PGBD5: variants seen among roughly 807,000 people sequenced by gnomAD.
PGBD5 encodes piggyBac transposable element derived 5.
Under a neutral mutation model 47.9 loss-of-function variants are expected in PGBD5, and 14 were observed. The ratio of observed to expected loss-of-function variants is 0.29; its 90% confidence interval spans 0.19 to 0.46. The LOEUF (loss-of-function observed/expected upper bound fraction) is 0.46. PGBD5 is among the 20% of genes least tolerant of loss of function. The pLI, the probability that PGBD5 is intolerant of heterozygous loss-of-function variation, is 1.00. For synonymous variants in PGBD5, 316 were observed against 306.3 expected, an observed-to-expected ratio of 1.03 and a Z score of -0.33; for missense variants, 635 against 716.0, an observed-to-expected ratio of 0.89 and a Z score of 1.29.
At position 230,357,055 on chromosome 1, in the gene PGBD5, C is replaced by T. The variant is rs41315609; in HGVS notation, c.598G>A (p.Ala200Thr). 6.2e-3 allele frequency: 10,071 copies of T among 1,614,130 alleles called. 85 individuals are homozygous for T. Among genetic ancestry groups the T allele is most frequent in the South Asian group, 0.021 (1,888 of 91,074 alleles). Residue 200 changes from alanine to threonine, a missense_variant, in exon 2 of 7, where the codon GCC becomes ACC. By Grantham distance (58) the Ala-to-Thr change is moderately conservative. Transcript: ENST00000391860. The surrounding 1 kb of genome is among the most constrained non-coding windows in gnomAD (Gnocchi z 5.7). The part of the protein sequence containing the change: ...SGGFYSNRSL[A>T]LVMSQARFEK... ...AAGCGGGCCTGGCTCATGACGAGGG[C>T]GAGGCTGCGGTTGCTGTAGAAGCCT...
chr1:230,425,599 G>A lies in PGBD5; in HGVS notation c.330C>T (p.Gly110=). ...ATCCACCCGCGGGCAGCCCCTTACC[G>A]CCGGTATCCTCGAAGCGCGGGGGCG... ...DRPPPRFEDT[G]GPTRKMPPSA... The change falls in exon 1 of 7, where the codon GGC becomes GGT. Residue 110 remains glycine, a splice_region_variant and synonymous_variant. Coordinates refer to ENST00000391860, the MANE Select transcript of PGBD5 (RefSeq NM_001258311.2). The surrounding 1 kb of genome is among the most constrained non-coding windows in gnomAD (Gnocchi z 4.7). The A allele has an allele frequency of 1.6e-6, 2 of 1,219,752 alleles. No individual in the cohort carries two copies. The highest frequency in any genetic ancestry group is 4.1e-5 in the South Asian group (1 of 24,190). 75.6% of individuals were successfully genotyped at this position (1,219,752 alleles called of 1,614,324 possible).
intron 1 of PGBD5, among the ~76,000 whole-genome samples, chr1:230,383,773 C>T (rs1656569591): frequency 6.6e-6 from 1 of 152,198 alleles, no homozygotes; most frequent in Non-Finnish European, 1.5e-5. Flanking sequence ...GGGCCTGAGC[C>T]CCATGAGCTT....
At chr1:230,362,366 G>A (rs1042877382) in intron 1 of PGBD5, 23 of 1,365,624 alleles carry the variant, frequency 1.7e-5, no homozygotes, top group Admixed American at 1.9e-5. Flanking sequence ...CACAGCTGTC[G>A]CTGCCTCTGG....
At chr1:230,403,963 A>G (rs1379323946) in intron 1 of PGBD5, among the ~76,000 whole-genome samples, 1 of 151,776 alleles carries the variant, frequency 6.6e-6, no homozygotes, top group African/African-American at 2.4e-5. Flanking sequence ...ACAGAGGAGG[A>G]AAAAAAAAGA....
At chr1:230,420,261 T>TC (rs1657618436) in intron 1 of PGBD5, among the ~76,000 whole-genome samples, 1 of 152,192 alleles carries the variant, frequency 6.6e-6, no homozygotes, top group Admixed American at 6.5e-5. Flanking sequence ...TATTATAGAT[T>TC]CAGTGAAAAC....
At position 230,316,127 on chromosome 1, in the gene PGBD5, T is replaced by C. The variant is rs550016461; in HGVS notation, c.*7298A>G. On this transcript the variant is annotated 3_prime_UTR_variant, in exon 7 of 7. Transcript: ENST00000391860. ...ATGTGTACACATATATCTATGTGTA[T>C]ACATACATATGTATATGTGTACACA... The C allele has an allele frequency of 5.3e-5, 8 of 151,230 alleles. 1 individual carries two copies. Among genetic ancestry groups the C allele is most frequent in the South Asian group, 4.2e-4 (2 of 4,808 alleles). The allele number at this position is 151,230 out of a possible 1,614,324, so 9.4% of individuals were successfully genotyped here. A position where few individuals can be genotyped will look rare whatever the true frequency, so the allele number is the denominator to read the frequency against.
chr1:230,328,873 G>A (rs550375742), intron 5 of PGBD5, among the ~76,000 whole-genome samples: 1 of 152,272 alleles, frequency 6.6e-6, no homozygotes, highest in East Asian at 1.9e-4. Flanking sequence ...GGTGGATTTC[G>A]AAAGAAAAGC....
intron 1 of PGBD5, chr1:230,367,884 T>G: frequency 7.6e-7 from 1 of 1,308,622 alleles, no homozygotes; most frequent in Non-Finnish European, 1.0e-6. Flanking sequence ...GCTACCAGAC[T>G]CCCGCTCTGC....
chr1:230,327,877 T>C (rs992438968), intron 5 of PGBD5, among the ~76,000 whole-genome samples: 1 of 152,214 alleles, frequency 6.6e-6, no homozygotes, highest in African/African-American at 2.4e-5. Context: ...GGCCACAGCA[T>C]GTGGCCCGTG....
At position 230,357,751 on chromosome 1, in the gene PGBD5, G is replaced by A. The variant is rs551015009; in HGVS notation, c.332-430C>T. On this transcript the variant is annotated intron_variant, in intron 1 of 6. Coordinates refer to ENST00000391860, the MANE Select transcript of PGBD5 (RefSeq NM_001258311.2). The surrounding 1 kb of genome is among the most constrained non-coding windows in gnomAD (Gnocchi z 5.7). ...GTTTCACACACTCGGGGCACAAGCC[G>A]AGTCTTAACTAGAGATGTACACACA... 2.0e-5 allele frequency among the ~76,000 whole-genome samples: 3 copies of A among 152,238 alleles called. No individual in the cohort carries two copies. The highest frequency in any genetic ancestry group is 1.9e-4 in the East Asian group (1 of 5,170).
chr1:230,424,990 C>G (rs1657740289), intron 1 of PGBD5, among the ~76,000 whole-genome samples: 1 of 152,172 alleles, frequency 6.6e-6, no homozygotes, highest in East Asian at 1.9e-4. Context: ...CTTAACGCTG[C>G]CCAATCGGTC....
At chr1:230,359,498 G>C (rs2102707848) in intron 1 of PGBD5, among the ~76,000 whole-genome samples, 1 of 152,334 alleles carries the variant, frequency 6.6e-6, no homozygotes, top group East Asian at 1.9e-4. Flanking sequence ...GAGATAATGT[G>C]TATGAGACAG....
In PGBD5 at chr1:230,351,074, T is replaced by C. The variant is rs1320684076; in HGVS notation, c.778A>G (p.Ile260Val). Residue 260 changes from isoleucine (I) to valine (V), a missense_variant, in exon 3 of 7, where the codon ATC becomes GTC. Physicochemically the swap from Ile to Val is conservative, Grantham distance 29. Coordinates refer to ENST00000391860, the MANE Select transcript of PGBD5 (RefSeq NM_001258311.2). ...SQTQVLHEPL[I>V]DEDPVFIATC... ...GCAATGAATACAGGATCCTCATCGATCAGGGGTTCATGTAGCACCTGCCAG... is the reference window on the plus strand; with the variant it reads ...GCAATGAATACAGGATCCTCATCGACCAGGGGTTCATGTAGCACCTGCCAG... 7 of 1,613,254 alleles carry C rather than the reference T, an allele frequency of 4.3e-6. No individual in the cohort carries two copies. Among genetic ancestry groups the C allele is most frequent in the Non-Finnish European group, 4.2e-6 (5 of 1,179,720 alleles).
chr1:230,375,576 A>C (rs936405956), intron 1 of PGBD5, among the ~76,000 whole-genome samples: 1 of 151,310 alleles, frequency 6.6e-6, no homozygotes, highest in African/African-American at 2.4e-5. Flanking sequence ...CTAATCCCTT[A>C]TATGCAAAAT....
At chr1:230,346,479 G>T (rs1178390010) in intron 3 of PGBD5, among the ~76,000 whole-genome samples, 2 of 152,180 alleles carry the variant, frequency 1.3e-5, no homozygotes, top group Non-Finnish European at 2.9e-5. Flanking sequence ...GACCAGCCTG[G>T]GTAAATAGCA....
Position 230,323,124 on chromosome 1 carries a change from C to A in PGBD5, c.*301G>T. On this transcript the variant is annotated 3_prime_UTR_variant, in exon 7 of 7. Coordinates refer to ENST00000391860, the MANE Select transcript of PGBD5 (RefSeq NM_001258311.2). This position sits in a 1 kb window ranked among gnomAD's most constrained non-coding sequence, Gnocchi z 4.1. ...GGGCCTTCCTTCACAGTCACCAGTC[C>A]ACGCTGCCTCGCAAGCTCCACGGAT... 1 of 361,922 alleles carries A rather than the reference C, an allele frequency of 2.8e-6. No homozygotes were observed. The highest frequency in any genetic ancestry group is 5.5e-5 in the East Asian group (1 of 18,106). 22.4% of individuals were successfully genotyped at this position (361,922 alleles called of 1,614,324 possible).
chr1:230,379,938 G>A (rs570649591), intron 1 of PGBD5, among the ~76,000 whole-genome samples: 1 of 152,364 alleles, frequency 6.6e-6, no homozygotes, highest in South Asian at 2.1e-4. Context: ...TTTGAACCCA[G>A]GAAGTCTGGC....
chr1:230,391,021 T>A (rs993314225), intron 1 of PGBD5, among the ~76,000 whole-genome samples: 1 of 152,162 alleles, frequency 6.6e-6, no homozygotes, highest in Non-Finnish European at 1.5e-5. Context: ...ATTACAGTCA[T>A]GAGCTACCAC....
At chr1:230,407,037 G>A (rs900423261) in intron 1 of PGBD5, among the ~76,000 whole-genome samples, 5 of 152,146 alleles carry the variant, frequency 3.3e-5, no homozygotes, top group Admixed American at 6.5e-5. Context: ...GTTTCGCCAC[G>A]TTGGCCAGGC....
Sources: allele counts gnomAD v4.1 joint callset (sites outside exome capture counted in the v4.1 genomes callset), GRCh38; gene constraint gnomAD v4.1.1; non-coding constraint Gnocchi (gnomAD v3.1); transcripts MANE v1.5; gene names NCBI Gene and HGNC (gene_info 2026-07-23, HGNC 2026-07-21).